Variants in SBNO1 observed in about 807,000 individuals in gnomAD.
SBNO1 encodes strawberry notch homolog 1.
Under a neutral mutation model 173.6 loss-of-function variants are expected in SBNO1, and 23 were observed. The observed-to-expected ratio is 0.13, with a 90% CI of 0.10 to 0.19. The LOEUF (loss-of-function observed/expected upper bound fraction) is 0.19. Among genes scored for constraint, SBNO1 ranks in the 10% least tolerant of loss-of-function variants. The pLI, the probability that SBNO1 is intolerant of heterozygous loss-of-function variation, is 1.00. For missense variants in SBNO1, 1,238 were observed against 1,671.2 expected, an observed-to-expected ratio of 0.74 and a Z score of 4.52; for synonymous variants, 632 against 571.5, an observed-to-expected ratio of 1.11 and a Z score of -1.51.
At position 123,294,785 on chromosome 12, in the gene SBNO1, T is replaced by C. The variant is rs2048568860; in HGVS notation, c.*1123A>G. 1 of 154,184 alleles carries C rather than the reference T, an allele frequency of 6.5e-6. No individual in the cohort carries two copies. The highest frequency in any genetic ancestry group is 1.4e-5 in the Non-Finnish European group (1 of 69,656). 9.6% of individuals were successfully genotyped at this position (154,184 alleles called of 1,614,324 possible). On this transcript the variant is annotated 3_prime_UTR_variant, in exon 32 of 32. Transcript: ENST00000602398. The stretch of plus-strand genomic sequence containing the variant: ...CCCATATTATATAGATAAGTGTCTA[T>C]TCACATTTGTACATTACCATTTTTA...
Position 123,334,751 on chromosome 12 carries a change from G to C in SBNO1, c.749-538C>G, listed in dbSNP as rs1363922691. Among the ~76,000 whole-genome samples, 4 of 145,872 alleles carry C rather than the reference G, an allele frequency of 2.7e-5. No individual in the cohort carries two copies. The East Asian group carries it at 7.7e-4, about 28-fold the overall frequency. On this transcript the variant is annotated intron_variant, in intron 6 of 31. Transcript: ENST00000602398. ...ATTAAATAATAAATAAAATAAAATA[G>C]AGATTTGCTGATAAAAAAAAGATCT...
chr12:123,312,031 C>T (rs1358721630), intron 24 of SBNO1, among the ~76,000 whole-genome samples: 4 of 151,992 alleles, frequency 2.6e-5, no homozygotes, highest in Admixed American at 1.3e-4. Context: ...TGAGCCACTG[C>T]GCCTAGCCAT....
intron 7 of SBNO1, 40 bp downstream of exon 7, chr12:123,334,013 G>A (rs1871541018): frequency 2.2e-6 from 3 of 1,365,974 alleles, no homozygotes; most frequent in South Asian, 2.9e-5. Flanking sequence ...ATATAGAATA[G>A]GATAAAATAA....
In SBNO1 at chr12:123,317,324, C is replaced by T. The variant is rs762254472; in HGVS notation, c.2832G>A (p.Ser944=). ...NIAIISEAAS[S]GISLQADRRA... is the part of the protein sequence containing the mutation. ...TCCTATCTGCTTGTAATGAAATACC[C>T]GAGCTGGCAGCTTCTGAGATGATAG... The change falls in exon 21 of 32, where the codon TCG becomes TCA. Residue 944 remains serine, a synonymous_variant. Transcript: ENST00000602398. The T allele has an allele frequency of 1.4e-5, 22 of 1,613,776 alleles. No homozygotes were observed. Among genetic ancestry groups the T allele is most frequent in the South Asian group, 5.5e-5 (5 of 91,078 alleles).
chr12:123,302,957 C>T (rs1593326261), intron 29 of SBNO1, 57 bp from the exon 30 acceptor site: 2 of 1,301,230 alleles, frequency 1.5e-6, no homozygotes, highest in East Asian at 4.6e-5. Flanking sequence ...AAACTGGTTA[C>T]CTAGTCTGGT....
rs767108605 is a variant in SBNO1, at chr12:123,302,883, G to A, written c.3786C>T (p.Ala1262=). The A allele has an allele frequency of 1.9e-6, 3 of 1,612,538 alleles. No homozygotes were observed. The highest frequency in any genetic ancestry group is 2.5e-6 in the Non-Finnish European group (3 of 1,178,742). Residue 1262 remains alanine, a synonymous_variant, in exon 30 of 32, where the codon GCC becomes GCT. Transcript: ENST00000602398. ...KKYKKVVSDD[A]LMHWLDQYNS... is the part of the protein sequence containing the mutation. ...TATACTGATCTAACCAGTGCATCAGGGCATCATCTGAGACGACCTGTAAAA... is the reference window on the plus strand; with the variant it reads ...TATACTGATCTAACCAGTGCATCAGAGCATCATCTGAGACGACCTGTAAAA...
At chr12:123,364,200 G>C in intron 1 of SBNO1, 1 of 985,668 alleles carries the variant, frequency 1.0e-6, no homozygotes, top group Non-Finnish European at 1.2e-6. Flanking sequence ...TTCAGATTTA[G>C]GAAGGACGAC....
Position 123,313,698 on chromosome 12 carries a change from T to A in SBNO1, c.3142A>T (p.Ile1048Phe). The change falls in exon 24 of 32, where the codon ATT becomes TTT. Residue 1048 changes from isoleucine (I) to phenylalanine (F), a missense_variant. Physicochemically the swap from Ile to Phe is conservative, Grantham distance 21. This residue lies in a region of SBNO1 where 351 missense variants were observed against 420.3 expected (regional missense o/e 0.84). Coordinates refer to ENST00000602398, the MANE Select transcript of SBNO1 (RefSeq NM_001167856.3). ...DNKYGRNALE[I>F]VMKSIVNLDS... is the part of the protein sequence containing the mutation. ...AAGTTTACAATGGATTTCATGACAA[T>A]TTCTAAAGCATTTCTTCCATACTGC... 1.9e-6 allele frequency: 3 copies of A among 1,607,826 alleles called. No homozygotes were observed. Among genetic ancestry groups the A allele is most frequent in the Non-Finnish European group, 2.6e-6 (3 of 1,175,110 alleles).
intron 29 of SBNO1, 58 bp from the exon 30 acceptor site, chr12:123,302,958 C>G (rs58537268): frequency 0.046 from 58,616 of 1,272,942 alleles, 2,338 homozygotes; most frequent in East Asian, 0.24. Context: ...AACTGGTTAC[C>G]TAGTCTGGTC....
intron 20 of SBNO1, among the ~76,000 whole-genome samples, chr12:123,319,533 G>A (rs1444077712): frequency 1.3e-5 from 2 of 152,018 alleles, no homozygotes; most frequent in Admixed American, 1.3e-4. Flanking sequence ...TCTGCCTTCT[G>A]AGCAGCTGGG....
chr12:123,364,498 C>T (rs1396829707), intron 1 of SBNO1: 1 of 983,884 alleles, frequency 1.0e-6, no homozygotes, highest in African/African-American at 1.7e-5. Flanking sequence ...GAAGCGAGTA[C>T]AACGGAGCCG....
chr12:123,299,697 AAAC>A (rs1440292315), intron 30 of SBNO1, among the ~76,000 whole-genome samples: 4 of 151,178 alleles, frequency 2.6e-5, no homozygotes, highest in East Asian at 2.0e-4. Flanking sequence ...AAAAAAAAAA[AAAC>A]AAAAAAGCCA....
At chr12:123,317,173 A>G (rs746553405) in intron 21 of SBNO1, 48 bp downstream of exon 21, 25 of 1,603,996 alleles carry the variant, frequency 1.6e-5, no homozygotes, top group Non-Finnish European at 2.1e-5. Context: ...ATTTACCCCA[A>G]TGATTCCTAG....
intron 1 of SBNO1, among the ~76,000 whole-genome samples, chr12:123,361,258 TAGAA>T (rs950449169): frequency 5.1e-5 from 7 of 137,318 alleles, no homozygotes; most frequent in South Asian, 4.6e-4. Flanking sequence ...AAATAAAAAA[TAGAA>T]AGAAGGCTGG....
intron 1 of SBNO1, among the ~76,000 whole-genome samples, chr12:123,358,452 G>A (rs1302108885): frequency 2.0e-5 from 3 of 152,050 alleles, no homozygotes; most frequent in Non-Finnish European, 4.4e-5. Flanking sequence ...ATAAACCAAG[G>A]CTTAGAAAAA....
At chr12:123,318,901 T>C (rs190934325) in intron 20 of SBNO1, among the ~76,000 whole-genome samples, 1 of 150,550 alleles carries the variant, frequency 6.6e-6, no homozygotes, top group Non-Finnish European at 1.5e-5. Context: ...TGGACACACA[T>C]AAATATTTTA....
chr12:123,334,637 G>C (rs950684467), intron 6 of SBNO1, among the ~76,000 whole-genome samples: 4 of 152,218 alleles, frequency 2.6e-5, no homozygotes, highest in African/African-American at 9.7e-5. Flanking sequence ...GAACCCAGGA[G>C]ACGGAGGTTG....
In SBNO1 at chr12:123,336,411, T is replaced by A; in HGVS notation, c.732A>T (p.Glu244Asp). The A allele has an allele frequency of 6.2e-7, 1 of 1,600,472 alleles. No individual in the cohort carries two copies. Among genetic ancestry groups the A allele is most frequent in the Non-Finnish European group, 8.5e-7 (1 of 1,169,804 alleles). ...EEMGHAETYAEYMPIKLKIGL... is the reference protein window; with the variant it reads ...EEMGHAETYADYMPIKLKIGL... ...AAGACATACATTTTATTGGCATGTA[T>A]TCTGCATAGGTTTCTGCATGACCCA... is the stretch of plus-strand genomic sequence containing the variant. The change falls in exon 6 of 32, where the codon GAA (glutamate) becomes GAT (aspartate). Residue 244 changes from glutamate to aspartate, a missense_variant. Around this residue, in one of 14 missense-constraint regions of SBNO1, gnomAD observed 78 missense variants for 103.3 expected, o/e 0.76. Coordinates refer to ENST00000602398, the MANE Select transcript of SBNO1 (RefSeq NM_001167856.3).
intron 13 of SBNO1, among the ~76,000 whole-genome samples, chr12:123,327,214 T>C (rs914622976): frequency 3.3e-5 from 5 of 152,058 alleles, no homozygotes; most frequent in African/African-American, 7.2e-5. Context: ...TTTCAACATG[T>C]AGGCCAGGCT....
Sources: allele counts gnomAD v4.1 joint callset (sites outside exome capture counted in the v4.1 genomes callset), GRCh38; gene constraint gnomAD v4.1.1; regional missense constraint gnomAD v4.1.1; transcripts MANE v1.5; gene names NCBI Gene and HGNC (gene_info 2026-07-23, HGNC 2026-07-21).